NRXN1: variants seen among roughly 807,000 people sequenced by gnomAD.
NRXN1 encodes the protein neurexin-1.
NRXN1 carries 39 observed loss-of-function variants against 150.9 expected under a neutral mutation model. The ratio of observed to expected loss-of-function variants is 0.26; its 90% CI spans 0.20 to 0.34. The LOEUF (loss-of-function observed/expected upper bound fraction) is 0.34, where lower values mean the gene tolerates loss of function less well. Among genes scored for constraint, NRXN1 ranks in the 10% least tolerant of loss-of-function variants. The probability of loss-of-function intolerance (pLI) is 1.00; values close to 1 mark genes in which losing one functional copy is unlikely to be tolerated. For synonymous variants in NRXN1, 924 were observed against 757.0 expected, an observed-to-expected ratio of 1.22 and a Z score of -3.62; for missense variants, 1,815 against 1,949.9, an observed-to-expected ratio of 0.93 and a Z score of 1.30.
At chr2:50,643,416 G>C (rs1684346465) in intron 5 of NRXN1, among the ~76,000 whole-genome samples, 1 of 151,882 alleles carries the variant, frequency 6.6e-6, no homozygotes, top group Non-Finnish European at 1.5e-5. Context: ...TTATGTGTTT[G>C]TTCTTTAAAC....
At chr2:50,433,307 G>T (rs1214814310) in intron 17 of NRXN1, among the ~76,000 whole-genome samples, 1 of 152,132 alleles carries the variant, frequency 6.6e-6, no homozygotes, top group East Asian at 1.9e-4. Context: ...AGAGTCTTCT[G>T]ATTCACATGT....
chr2:50,866,013 T>C (rs1676889834), intron 5 of NRXN1, among the ~76,000 whole-genome samples: 1 of 151,728 alleles, frequency 6.6e-6, no homozygotes, highest in African/African-American at 2.4e-5. Flanking sequence ...AGCTAGAATT[T>C]TTCATGTTTT....
chr2:50,164,765 A>T (rs1293668157), intron 18 of NRXN1, among the ~76,000 whole-genome samples: 1 of 152,180 alleles, frequency 6.6e-6, no homozygotes, highest in Non-Finnish European at 1.5e-5. Context: ...AAAGAGAAAG[A>T]GACAACGCAT....
intron 18 of NRXN1, among the ~76,000 whole-genome samples, chr2:50,185,156 T>C (rs1166881554): frequency 6.6e-6 from 1 of 152,140 alleles, no homozygotes; most frequent in Non-Finnish European, 1.5e-5. Context: ...ATGGAGATGC[T>C]TTGTTCAGAA....
intron 5 of NRXN1, among the ~76,000 whole-genome samples, chr2:50,834,413 G>A (rs1671822024): frequency 6.6e-6 from 1 of 152,090 alleles, no homozygotes; most frequent in Non-Finnish European, 1.5e-5. Context: ...CAGTTTTTGA[G>A]GGGTTGAAAA....
intron 17 of NRXN1, among the ~76,000 whole-genome samples, chr2:50,337,760 T>C (rs1227008989): frequency 2.0e-5 from 3 of 152,210 alleles, no homozygotes; most frequent in African/African-American, 7.2e-5. Flanking sequence ...AAGAGTTGAA[T>C]TAATTCATTT....
At chr2:50,495,576 C>T (rs2091553987) in intron 15 of NRXN1, among the ~76,000 whole-genome samples, 1 of 152,000 alleles carries the variant, frequency 6.6e-6, no homozygotes, top group South Asian at 2.1e-4. Flanking sequence ...TCCCTGACTC[C>T]AAATCAATTG....
chr2:50,513,008 G>C (rs1018228140), intron 12 of NRXN1, among the ~76,000 whole-genome samples: 2 of 152,100 alleles, frequency 1.3e-5, no homozygotes, highest in African/African-American at 4.8e-5. Context: ...TATAAACTTG[G>C]ATTTGAAAGC....
At chr2:50,127,389 G>C (rs1704756793) in intron 18 of NRXN1, among the ~76,000 whole-genome samples, 1 of 151,958 alleles carries the variant, frequency 6.6e-6, no homozygotes, top group Non-Finnish European at 1.5e-5. Flanking sequence ...CTGATAAAAA[G>C]AATGCTTGAA....
At chr2:51,026,541 C>G in intron 2 of NRXN1, 1 of 1,004,452 alleles carries the variant, frequency 1.0e-6, no homozygotes, top group African/African-American at 1.6e-5. Flanking sequence ...GCCCCAAGAA[C>G]CACAGAAATT....
At chr2:50,947,196 CCAAAATCAACTCATAT>C (rs1690536955) in intron 2 of NRXN1, among the ~76,000 whole-genome samples, 1 of 151,884 alleles carries the variant, frequency 6.6e-6, no homozygotes, top group African/African-American at 2.4e-5. Context: ...TAAAAATTAA[CCAAAATCAACTCATAT>C]CAAAATCAAC....
intron 18 of NRXN1, among the ~76,000 whole-genome samples, chr2:50,190,998 G>A (rs944124774): frequency 1.3e-5 from 2 of 151,948 alleles, no homozygotes; most frequent in African/African-American, 4.8e-5. Flanking sequence ...AGAAAGTTGT[G>A]AAAATGTACC....
At chr2:50,461,192 T>G (rs2088168906) in intron 17 of NRXN1, among the ~76,000 whole-genome samples, 1 of 151,946 alleles carries the variant, frequency 6.6e-6, no homozygotes, top group African/African-American at 2.4e-5. Context: ...TCAGCGAATG[T>G]TTCTAACTCT....
chr2:50,367,186 G>A lies in NRXN1; in HGVS notation c.3364+98256C>T, dbSNP rs112475298. Among the ~76,000 whole-genome samples, 33 of 151,996 alleles carry A rather than the reference G, an allele frequency of 2.2e-4. 1 individual carries two copies. Among genetic ancestry groups the A allele is most frequent in the East Asian group, 1.6e-3 (8 of 5,154 alleles). ...ACTCAAGGAGAATAAGGCTATCCTC[G>A]TCTCTTGAACAGAAGAAAATGTCGT... On this transcript the variant is annotated intron_variant, in intron 17 of 22. Transcript: ENST00000401669.
intron 15 of NRXN1, among the ~76,000 whole-genome samples, chr2:50,472,751 C>A (rs2089628209): frequency 6.6e-6 from 1 of 150,572 alleles, no homozygotes; most frequent in African/African-American, 2.5e-5. Flanking sequence ...GATGCATACC[C>A]TTGCGTGGAA....
intron 5 of NRXN1, among the ~76,000 whole-genome samples, chr2:50,763,430 T>C (rs1415524862): frequency 6.6e-6 from 1 of 151,976 alleles, no homozygotes; most frequent in Admixed American, 6.6e-5. Context: ...ATAATGCATA[T>C]ACAAAATACA....
intron 21 of NRXN1, among the ~76,000 whole-genome samples, chr2:49,996,578 G>A (rs180967061): frequency 1.2e-3 from 180 of 152,266 alleles, no homozygotes; most frequent in African/African-American, 3.8e-3. Context: ...GTAATGACAA[G>A]GGTCCTTTCA....
intron 17 of NRXN1, among the ~76,000 whole-genome samples, chr2:50,267,713 A>T (rs1188964545): frequency 6.6e-6 from 1 of 152,218 alleles, no homozygotes; most frequent in Non-Finnish European, 1.5e-5. Context: ...CTGGATATTT[A>T]AGACCCCTAT....
intron 8 of NRXN1, among the ~76,000 whole-genome samples, chr2:50,604,088 A>T (rs995188366): frequency 6.6e-6 from 1 of 152,180 alleles, no homozygotes; most frequent in African/African-American, 2.4e-5. Flanking sequence ...TCTACACTGT[A>T]TCTCCCACTG....
Sources: allele counts gnomAD v4.1 joint callset (sites outside exome capture counted in the v4.1 genomes callset), GRCh38; gene constraint gnomAD v4.1.1; transcripts MANE v1.5; gene names NCBI Gene and HGNC (gene_info 2026-07-23, HGNC 2026-07-21).